The following UBL7 variants were observed in gnomAD, a reference collection of about 807,000 sequenced individuals.
UBL7 encodes ubiquitin like 7.
A neutral mutation model predicts 41.7 loss-of-function variants in UBL7; 21 were observed. The observed-to-expected ratio is 0.50, with a 90% CI of 0.36 to 0.73. The LOEUF is 0.73. Ranked by LOEUF, UBL7 falls within the 30% of genes least tolerant of loss-of-function variation. UBL7 has a pLI of 0.00. For missense variants in UBL7, 403 were observed against 478.4 expected, an observed-to-expected ratio of 0.84 and a Z score of 1.47; for synonymous variants, 157 against 186.9, an observed-to-expected ratio of 0.84 and a Z score of 1.31.
chr15:74,460,394 T>C (rs1429856785), intron 1 of UBL7, among the ~76,000 whole-genome samples: 1 of 152,156 alleles, frequency 6.6e-6, no homozygotes, highest in Admixed American at 6.5e-5. Flanking sequence ...CTCCACAACA[T>C]GTAAGTACAC....
Position 74,456,654 on chromosome 15 carries a change from G to T in UBL7, c.202C>A (p.Arg68=). The change falls in exon 3 of 11, where the codon CGG becomes AGG. Residue 68 remains arginine, a synonymous_variant. Transcript: ENST00000395081. ...AGTGTCTGGTCATCTTTTAGCTTCC[G>T]ACCACAGTAGATCAGATCTAAAAAA... The part of the protein sequence containing the change: ...PELIDLIYCG[R]KLKDDQTLDF... The T allele has an allele frequency of 6.2e-7, 1 of 1,613,984 alleles. No individual in the cohort carries two copies. The highest frequency in any genetic ancestry group is 1.1e-5 in the South Asian group (1 of 91,056).
chr15:74,449,776 C>T (rs1292307744), intron 7 of UBL7, 101 bp from the exon 8 acceptor site: 27 of 1,561,034 alleles, frequency 1.7e-5, no homozygotes, highest in Non-Finnish European at 2.3e-5. Flanking sequence ...ATTTTCATCT[C>T]TCCCCTCGGA....
At chr15:74,452,224 T>C (rs934690452) in intron 4 of UBL7, 72 bp downstream of exon 4, 43 of 1,489,744 alleles carry the variant, frequency 2.9e-5, no homozygotes, top group Non-Finnish European at 3.6e-5. Flanking sequence ...CAGCTCCCAC[T>C]CCACACCACT....
chr15:74,447,744 C>T (rs930140094), intron 10 of UBL7, among the ~76,000 whole-genome samples: 12 of 152,140 alleles, frequency 7.9e-5, no homozygotes, highest in African/African-American at 2.9e-4. Flanking sequence ...CCCAGGGATC[C>T]CTGGTGACTG....
At chr15:74,452,403 A>C in intron 3 of UBL7, 25 bp from the exon 4 acceptor site, 1 of 1,551,796 alleles carries the variant, frequency 6.4e-7, no homozygotes, top group Non-Finnish European at 8.7e-7. Flanking sequence ...ATTCAGAGTT[A>C]CCCTATAGCG....
In UBL7 at chr15:74,446,851, C is replaced by A. The variant is rs1235710041; in HGVS notation, c.1006-624G>T. Among the ~76,000 whole-genome samples, 2 of 152,174 alleles carry A rather than the reference C, an allele frequency of 1.3e-5. No homozygotes were observed. Among genetic ancestry groups the A allele is most frequent in the African/African-American group, 2.4e-5 (1 of 41,436 alleles). On this transcript the variant is annotated intron_variant, in intron 10 of 10. Coordinates refer to ENST00000395081, the MANE Select transcript of UBL7 (RefSeq NM_032907.5). This position sits in a 1 kb window ranked among gnomAD's most constrained non-coding sequence, Gnocchi z 4.1. Reference sequence around the variant, plus strand: ...ATTTGAAGAAATTCACCCATATTTTCTTCTAGTACTTTCATAGCTTCATTA... The same window carrying A: ...ATTTGAAGAAATTCACCCATATTTTATTCTAGTACTTTCATAGCTTCATTA...
intron 3 of UBL7, among the ~76,000 whole-genome samples, chr15:74,453,678 C>T (rs1177932567): frequency 1.3e-5 from 2 of 152,174 alleles, no homozygotes; most frequent in African/African-American, 4.8e-5. Flanking sequence ...AAGGTGACGT[C>T]CTGAAGGGAT....
Position 74,446,070 on chromosome 15 carries a change from G to A in UBL7, c.*20C>T, listed in dbSNP as rs1596209506. Reference sequence around the variant, plus strand: ...CAGTAGCCTCTGCAACTTGCTGGGGGTTCAGGGGAAGCAGGGAGTTCATGG... The same window carrying A: ...CAGTAGCCTCTGCAACTTGCTGGGGATTCAGGGGAAGCAGGGAGTTCATGG... On this transcript the variant is annotated 3_prime_UTR_variant, in exon 11 of 11. Coordinates refer to ENST00000395081, the MANE Select transcript of UBL7 (RefSeq NM_032907.5). This position sits in a 1 kb window ranked among gnomAD's most constrained non-coding sequence, Gnocchi z 4.1. 1 of 1,612,530 alleles carries A rather than the reference G, an allele frequency of 6.2e-7. No homozygotes were observed. The highest frequency in any genetic ancestry group is 1.1e-5 in the South Asian group (1 of 91,006).
chr15:74,458,769 G>T lies in UBL7; in HGVS notation c.99C>A (p.Tyr33Ter). 6.2e-7 allele frequency: 1 copy of T among 1,614,012 alleles called. No individual in the cohort carries two copies. Among genetic ancestry groups the T allele is most frequent in the Non-Finnish European group, 8.5e-7 (1 of 1,180,046 alleles). ...ATGAAATACTATAGCCCCCTAGCGA[G>T]TATTCTCCCAGTTCTGTCTCTGGCA... is the stretch of plus-strand genomic sequence containing the variant. ...LRLPETELGE[Y>*]SLGGYSISFL... is the part of the protein sequence containing the mutation. The change falls in exon 2 of 11, where the codon TAC becomes TAA. Residue 33 changes from tyrosine to a stop codon, truncating the protein, a stop_gained. Coordinates refer to ENST00000395081, the MANE Select transcript of UBL7 (RefSeq NM_032907.5). LOFTEE classifies it high-confidence loss of function.
Position 74,446,375 on chromosome 15 carries a change from G to A in UBL7, c.1006-148C>T. 9.9e-7 allele frequency: 1 copy of A among 1,014,062 alleles called. No individual in the cohort carries two copies. The highest frequency in any genetic ancestry group is 1.6e-5 in the African/African-American group (1 of 61,968). 62.8% of individuals were successfully genotyped at this position (1,014,062 alleles called of 1,614,324 possible). A position where few individuals can be genotyped will look rare whatever the true frequency, so the allele number is the denominator to read the frequency against. ...AGTTCCACAGAACACGGTGCTTCTAGGAAGACTAAAAGATAGGCTTGAGGG... is the reference window on the plus strand; with the variant it reads ...AGTTCCACAGAACACGGTGCTTCTAAGAAGACTAAAAGATAGGCTTGAGGG... On this transcript the variant is annotated intron_variant, in intron 10 of 10. Transcript: ENST00000395081. This position sits in a 1 kb window ranked among gnomAD's most constrained non-coding sequence, Gnocchi z 4.1.
chr15:74,458,623 G>T, intron 2 of UBL7, 61 bp downstream of exon 2: 1 of 1,454,122 alleles, frequency 6.9e-7, no homozygotes. Context: ...TGTAATTCCA[G>T]AAGTATCCTC....
intron 3 of UBL7, among the ~76,000 whole-genome samples, chr15:74,454,341 G>A (rs2061275277): frequency 6.6e-6 from 1 of 152,118 alleles, no homozygotes; most frequent in Non-Finnish European, 1.5e-5. Flanking sequence ...GCTCAGTACA[G>A]AGAGAAGAAT....
chr15:74,458,996 T>G, intron 1 of UBL7, 100 bp from the exon 2 acceptor site: 1 of 1,154,372 alleles, frequency 8.7e-7, no homozygotes, highest in Non-Finnish European at 1.2e-6. Flanking sequence ...AATGTGACAC[T>G]GTTGAAGAGG....
At chr15:74,460,607 C>T (rs2061339470) in intron 1 of UBL7, 2 of 1,071,390 alleles carry the variant, frequency 1.9e-6, no homozygotes, top group African/African-American at 1.7e-5. Flanking sequence ...CTCCTCCACC[C>T]CAATTCTTGA....
Position 74,461,098 on chromosome 15 carries a change from G to C in UBL7, c.-91C>G. 2 of 1,003,330 alleles carry C rather than the reference G, an allele frequency of 2.0e-6. No individual in the cohort carries two copies. The highest frequency in any genetic ancestry group is 2.4e-6 in the Non-Finnish European group (2 of 839,162). The allele number at this position is 1,003,330 out of a possible 1,614,324, so 62.2% of individuals were successfully genotyped here. On this transcript the variant is annotated 5_prime_UTR_variant, in exon 1 of 11. Coordinates refer to ENST00000395081, the MANE Select transcript of UBL7 (RefSeq NM_032907.5). ...CGAGCCCGCGCTGCCCAGGGCCCCA[G>C]CGCCCTCACCCGTCCCGCGGAAGGA... is the stretch of plus-strand genomic sequence containing the variant.
At chr15:74,448,235 A>G (rs1337732169) in intron 10 of UBL7, among the ~76,000 whole-genome samples, 2 of 152,166 alleles carry the variant, frequency 1.3e-5, no homozygotes, top group Admixed American at 1.3e-4. Context: ...ATGATTATCT[A>G]AGCCAGGTGG....
intron 1 of UBL7, chr15:74,460,603 C>T: frequency 9.9e-7 from 1 of 1,008,822 alleles, no homozygotes; most frequent in Non-Finnish European, 1.3e-6. Context: ...CCCCCTCCTC[C>T]ACCCCAATTC....
intron 9 of UBL7, 86 bp from the exon 10 acceptor site, chr15:74,448,686 C>A: frequency 6.4e-7 from 1 of 1,558,638 alleles, no homozygotes; most frequent in Admixed American, 1.7e-5. Context: ...CACCTCACAG[C>A]ACTCCTGAGG....
At chr15:74,455,567 T>C (rs992130564) in intron 3 of UBL7, among the ~76,000 whole-genome samples, 3 of 152,226 alleles carry the variant, frequency 2.0e-5, no homozygotes, top group Admixed American at 2.0e-4. Flanking sequence ...TTTCCAGCTT[T>C]TTTCTAATGA....
Sources: allele counts gnomAD v4.1 joint callset (sites outside exome capture counted in the v4.1 genomes callset), GRCh38; gene constraint gnomAD v4.1.1; non-coding constraint Gnocchi (gnomAD v3.1); transcripts MANE v1.5; gene names NCBI Gene and HGNC (gene_info 2026-07-23, HGNC 2026-07-21).